The following EEF2K variants were observed in gnomAD, a reference collection of about 807,000 sequenced individuals.
The protein encoded by EEF2K is alternative protein EEF2K.
Under a neutral mutation model 93.8 loss-of-function variants are expected in EEF2K, and 70 were observed. The observed-to-expected ratio is 0.75, with a 90% CI of 0.62 to 0.91. EEF2K has a LOEUF of 0.91. Among genes scored for constraint, EEF2K ranks in the 40% least tolerant of loss-of-function variants. EEF2K has a pLI of 0.00. For missense variants in EEF2K, 935 were observed against 972.9 expected, an observed-to-expected ratio of 0.96 and a Z score of 0.52; for synonymous variants, 376 against 380.8, an observed-to-expected ratio of 0.99 and a Z score of 0.15.
chr16:22,281,442 A>G (rs1186995809), intron 17 of EEF2K, among the ~76,000 whole-genome samples: 1 of 152,050 alleles, frequency 6.6e-6, no homozygotes, highest in African/African-American at 2.4e-5. Context: ...GAGTCTTGCT[A>G]TGTTGCCCAG....
intron 2 of EEF2K, among the ~76,000 whole-genome samples, chr16:22,226,183 G>A (rs2047061790): frequency 6.6e-6 from 1 of 152,152 alleles, no homozygotes; most frequent in African/African-American, 2.4e-5. Context: ...TTTTCAAATA[G>A]TAGCCCAGGA....
At chr16:22,210,479 A>G (rs2046904727) in intron 1 of EEF2K, among the ~76,000 whole-genome samples, 1 of 152,138 alleles carries the variant, frequency 6.6e-6, no homozygotes, top group Non-Finnish European at 1.5e-5. Context: ...CATTACCAGC[A>G]AGTTGCCAGG....
chr16:22,216,948 G>C (rs1168706941), intron 1 of EEF2K, among the ~76,000 whole-genome samples: 1 of 151,846 alleles, frequency 6.6e-6, no homozygotes, highest in African/African-American at 2.4e-5. Flanking sequence ...GATCCCTTGA[G>C]TCCAGGAGTT....
intron 1 of EEF2K, among the ~76,000 whole-genome samples, chr16:22,209,808 T>C (rs1006897126): frequency 3.3e-5 from 5 of 152,156 alleles, no homozygotes; most frequent in Non-Finnish European, 7.4e-5. Context: ...TTGTTGTTGT[T>C]TTGAGACAGG....
rs368142972 is a variant in EEF2K at position 22,248,696 on chromosome 16, C to T, written c.348-59C>T. The T allele has an allele frequency of 5.6e-6, 9 of 1,600,538 alleles. No homozygotes were observed. In the African/African-American group the frequency reaches 1.2e-4, roughly 21 times the overall value. ...CCCAGAAGGGTCTTTGACCTTTAGC[C>T]AGTGAGAAACAGGACCACGTGATGG... On this transcript the variant is annotated intron_variant, in intron 3 of 17. Transcript: ENST00000263026.
At chr16:22,248,878 G>C (rs1194086687) in intron 4 of EEF2K, 63 bp downstream of exon 4, 2 of 1,561,448 alleles carry the variant, frequency 1.3e-6, no homozygotes, top group Non-Finnish European at 1.8e-6. Context: ...AGCTAACTTT[G>C]GTCTGTGCAC....
At chr16:22,207,870 T>TATAA (rs1284790821) in intron 1 of EEF2K, among the ~76,000 whole-genome samples, 1 of 151,950 alleles carries the variant, frequency 6.6e-6, no homozygotes, top group African/African-American at 2.4e-5. Context: ...GAGAGGGTTA[T>TATAA]GGGGGAAGGC....
intron 9 of EEF2K, 79 bp downstream of exon 9, chr16:22,257,849 T>G: frequency 6.4e-7 from 1 of 1,564,732 alleles, no homozygotes; most frequent in African/African-American, 1.3e-5. Flanking sequence ...CCCTGTGTGG[T>G]GACAGCCAGG....
At chr16:22,264,941 C>G (rs1271133053) in intron 13 of EEF2K, 61 bp downstream of exon 13, 8 of 1,579,168 alleles carry the variant, frequency 5.1e-6, no homozygotes, top group Non-Finnish European at 7.0e-6. Flanking sequence ...GGCTCTGTTG[C>G]TGTTTCTCCT....
chr16:22,242,311 G>C (rs1413607936), intron 2 of EEF2K, among the ~76,000 whole-genome samples: 1 of 152,060 alleles, frequency 6.6e-6, no homozygotes, highest in Non-Finnish European at 1.5e-5. Flanking sequence ...TTTGGGCTGA[G>C]TCCTTGGGAA....
intron 1 of EEF2K, among the ~76,000 whole-genome samples, chr16:22,223,436 G>A (rs766013016): frequency 1.3e-5 from 2 of 151,964 alleles, no homozygotes; most frequent in East Asian, 1.9e-4. Context: ...GCACCACCAC[G>A]CCTGGCTACC....
chr16:22,276,035 C>T (rs2047631050), intron 16 of EEF2K, among the ~76,000 whole-genome samples: 1 of 152,094 alleles, frequency 6.6e-6, no homozygotes, highest in South Asian at 2.1e-4. Context: ...GCAGCTTTGA[C>T]CTGGGCTCAA....
intron 15 of EEF2K, among the ~76,000 whole-genome samples, chr16:22,268,642 T>C (rs2047548132): frequency 6.7e-6 from 1 of 149,250 alleles, no homozygotes; most frequent in South Asian, 2.1e-4. Context: ...AAAGAAGTTT[T>C]TTTTTTTAAT....
chr16:22,254,559 G>A (rs1202376640), intron 6 of EEF2K, among the ~76,000 whole-genome samples: 3 of 152,174 alleles, frequency 2.0e-5, no homozygotes, highest in African/African-American at 7.2e-5. Context: ...AACAGGGCAA[G>A]AGGTGCAAGC....
intron 17 of EEF2K, among the ~76,000 whole-genome samples, chr16:22,283,379 C>G (rs1017378491): frequency 6.6e-6 from 1 of 150,708 alleles, no homozygotes; most frequent in African/African-American, 2.4e-5. Flanking sequence ...AATTTTAAAT[C>G]CAAAAAGCTC....
At chr16:22,257,007 C>G in intron 7 of EEF2K, 110 bp downstream of exon 7, 1 of 1,512,926 alleles carries the variant, frequency 6.6e-7, no homozygotes, top group Non-Finnish European at 8.9e-7. Flanking sequence ...AGTCTCACCC[C>G]CAGAGAAGCC....
intron 2 of EEF2K, among the ~76,000 whole-genome samples, chr16:22,230,160 G>A (rs140833426): frequency 6.6e-6 from 1 of 152,270 alleles, no homozygotes; most frequent in Non-Finnish European, 1.5e-5. Flanking sequence ...TTAAATTACA[G>A]GCATTGGTTC....
At chr16:22,257,127 C>T (rs2141673822) in intron 7 of EEF2K, 126 bp from the exon 8 acceptor site, 6 of 1,519,578 alleles carry the variant, frequency 3.9e-6, no homozygotes, top group African/African-American at 1.4e-5. Flanking sequence ...GGCCTTTTTC[C>T]TTTGTCTTTT....
At chr16:22,268,719 A>T (rs1056499723) in intron 15 of EEF2K, among the ~76,000 whole-genome samples, 3 of 151,482 alleles carry the variant, frequency 2.0e-5, no homozygotes, top group African/African-American at 7.3e-5. Flanking sequence ...ACTTTGGGAG[A>T]TGGAGGCGGG....
Sources: allele counts gnomAD v4.1 joint callset (sites outside exome capture counted in the v4.1 genomes callset), GRCh38; gene constraint gnomAD v4.1.1; transcripts MANE v1.5; gene names NCBI Gene and HGNC (gene_info 2026-07-23, HGNC 2026-07-21).